DLG2: variants seen among roughly 807,000 people sequenced by gnomAD.
The protein encoded by DLG2 is disks large homolog 2.
In DLG2, 45 loss-of-function variants were observed where a neutral mutation model predicts 132.5. The observed-to-expected ratio is 0.34, with a 90% CI of 0.27 to 0.44. The LOEUF is 0.44. DLG2 is among the 20% of genes least tolerant of loss of function. DLG2 has a pLI of 1.00. For missense variants in DLG2, 1,045 were observed against 1,196.9 expected, an observed-to-expected ratio of 0.87 and a Z score of 1.87; for synonymous variants, 424 against 419.6, an observed-to-expected ratio of 1.01 and a Z score of -0.13.
rs1359746128 is a variant in DLG2, at chr11:85,199,299, T to A, written c.187-44648A>T. On this transcript the variant is annotated intron_variant, in intron 4 of 27. Transcript: ENST00000376104. ...TTGAGCAAGATAAGACTGACACCAA[T>A]GCACACATATTTTATGTTTCTATTT... 2.6e-5 allele frequency among the ~76,000 whole-genome samples: 4 copies of A among 152,150 alleles called. No homozygotes were observed. In the South Asian group the frequency reaches 8.3e-4, roughly 31 times the overall value.
chr11:84,512,700 A>C (rs983461506), intron 7 of DLG2, among the ~76,000 whole-genome samples: 1 of 152,142 alleles, frequency 6.6e-6, no homozygotes, highest in Admixed American at 6.6e-5. Flanking sequence ...TTATAGGCCA[A>C]GAGAAAATCA....
chr11:83,893,710 G>A (rs1289364611), intron 15 of DLG2, among the ~76,000 whole-genome samples: 1 of 152,090 alleles, frequency 6.6e-6, no homozygotes, highest in Non-Finnish European at 1.5e-5. Context: ...TCCATGAGTT[G>A]GAATCAGGTA....
Position 84,192,709 on chromosome 11 carries a change from G to A in DLG2, c.574-29198C>T, listed in dbSNP as rs192300397. Among the ~76,000 whole-genome samples, 574 of 152,160 alleles carry A rather than the reference G, an allele frequency of 3.8e-3. 4 individuals are homozygous for A. The highest frequency in any genetic ancestry group is 0.014 in the Admixed American group (219 of 15,294). On this transcript the variant is annotated intron_variant, in intron 8 of 27. Transcript: ENST00000376104. ...CGCACCACTGCACTCCAGCCTGGGCGACAGGGCGAGACTCCATCTCAAAAA... is the reference window on the plus strand; with the variant it reads ...CGCACCACTGCACTCCAGCCTGGGCAACAGGGCGAGACTCCATCTCAAAAA...
rs367956588 is a variant in DLG2 at position 85,431,045 on chromosome 11, T to C, written c.41-145680A>G. 2.8e-4 allele frequency among the ~76,000 whole-genome samples: 43 copies of C among 152,258 alleles called. 1 individual carries two copies. The East Asian group carries it at 8.3e-3, about 29-fold the overall frequency. On this transcript the variant is annotated intron_variant, in intron 3 of 27. Coordinates refer to ENST00000376104, the MANE Select transcript of DLG2 (RefSeq NM_001142699.3). ...AATAATTGGCTTAATTTTTTAGTTT[T>C]TTTTATTTCTATACATCAAACATGT... is the stretch of plus-strand genomic sequence containing the variant.
At chr11:83,567,101 G>A (rs2096721946) in intron 19 of DLG2, among the ~76,000 whole-genome samples, 1 of 152,102 alleles carries the variant, frequency 6.6e-6, no homozygotes, top group South Asian at 2.1e-4. Context: ...GACATAAACA[G>A]GAAGGAGCCA....
intron 3 of DLG2, among the ~76,000 whole-genome samples, chr11:85,569,349 A>C (rs1352308341): frequency 6.6e-6 from 1 of 152,116 alleles, no homozygotes; most frequent in Non-Finnish European, 1.5e-5. Context: ...TCTTAATGTA[A>C]GTATTTATAG....
At position 85,346,980 on chromosome 11, in the gene DLG2, G is replaced by A. The variant is rs1413114550; in HGVS notation, c.41-61615C>T. 1.3e-5 allele frequency among the ~76,000 whole-genome samples: 2 copies of A among 152,060 alleles called. 1 individual carries two copies. The highest frequency in any genetic ancestry group is 4.8e-5 in the African/African-American group (2 of 41,364). On this transcript the variant is annotated intron_variant, in intron 3 of 27. Coordinates refer to ENST00000376104, the MANE Select transcript of DLG2 (RefSeq NM_001142699.3). ...TCAGGATAAAGACTTCACAGAAGTA[G>A]AGAAAGGAATCATAGGTGGGACATA...
At chr11:84,712,404 C>T (rs542909418) in intron 6 of DLG2, among the ~76,000 whole-genome samples, 6 of 152,016 alleles carry the variant, frequency 3.9e-5, no homozygotes, top group Non-Finnish European at 8.8e-5. Context: ...GGACATTCAG[C>T]ACCTGTTTAA....
intron 10 of DLG2, among the ~76,000 whole-genome samples, chr11:84,072,970 A>C (rs1162945720): frequency 6.6e-6 from 1 of 152,234 alleles, no homozygotes; most frequent in Non-Finnish European, 1.5e-5. Context: ...GTGGGTAGTG[A>C]GGAAAGGAAG....
chr11:84,457,685 G>A (rs1341607663), intron 7 of DLG2, among the ~76,000 whole-genome samples: 1 of 150,854 alleles, frequency 6.6e-6, no homozygotes, highest in African/African-American at 2.4e-5. Context: ...AGCTGTTTCT[G>A]AGAGCAATTT....
chr11:84,629,391 A>G (rs1057234684), intron 6 of DLG2, among the ~76,000 whole-genome samples: 1 of 152,198 alleles, frequency 6.6e-6, no homozygotes, highest in Non-Finnish European at 1.5e-5. Context: ...AACCTGCTTT[A>G]GAGAGTAGCT....
At chr11:84,075,087 G>C (rs1224342816) in intron 10 of DLG2, among the ~76,000 whole-genome samples, 3 of 152,004 alleles carry the variant, frequency 2.0e-5, no homozygotes, top group Non-Finnish European at 4.4e-5. Flanking sequence ...CCCCAGCTTT[G>C]AAAGTCTTTT....
intron 6 of DLG2, among the ~76,000 whole-genome samples, chr11:84,799,915 TTAA>T (rs1267826116): frequency 1.3e-5 from 2 of 152,212 alleles, no homozygotes; most frequent in Non-Finnish European, 2.9e-5. Context: ...TAGCTGAATA[TTAA>T]TAATAATACT....
At chr11:84,272,189 T>C in intron 7 of DLG2, 6 of 329,100 alleles carry the variant, frequency 1.8e-5, no homozygotes, top group Non-Finnish European at 3.1e-5. Flanking sequence ...GCTTCAAATA[T>C]AGCCCAGAGT....
At chr11:85,272,096 A>G (rs1366350694) in intron 4 of DLG2, among the ~76,000 whole-genome samples, 1 of 152,036 alleles carries the variant, frequency 6.6e-6, no homozygotes, top group East Asian at 1.9e-4. Context: ...ACCTGGTGAG[A>G]GGTAATTGAA....
chr11:83,754,836 C>A (rs989827150), intron 18 of DLG2, among the ~76,000 whole-genome samples: 2 of 151,354 alleles, frequency 1.3e-5, no homozygotes, highest in African/African-American at 2.5e-5. Flanking sequence ...AGATATGGCC[C>A]AGGATGAAAA....
intron 6 of DLG2, among the ~76,000 whole-genome samples, chr11:85,046,179 C>T (rs188024224): frequency 2.6e-5 from 4 of 152,014 alleles, no homozygotes; most frequent in Non-Finnish European, 5.9e-5. Context: ...CAACCTAATT[C>T]CCTCTATGAT....
intron 11 of DLG2, among the ~76,000 whole-genome samples, chr11:84,054,846 T>C (rs763691410): frequency 1.3e-5 from 2 of 152,086 alleles, no homozygotes; most frequent in South Asian, 4.1e-4. Flanking sequence ...TCCTCTATTC[T>C]GTGCAAAAAC....
At chr11:85,226,151 AT>A (rs2074960959) in intron 4 of DLG2, among the ~76,000 whole-genome samples, 1 of 149,550 alleles carries the variant, frequency 6.7e-6, no homozygotes, top group South Asian at 2.1e-4. Flanking sequence ...ATGTGTTATA[AT>A]TTTTATAATA....
Sources: gnomAD v4.1 joint callset for allele counts (sites outside exome capture counted in the v4.1 genomes callset) on GRCh38, gnomAD v4.1.1 for gene constraint, MANE v1.5 for transcripts, NCBI Gene and HGNC (gene_info 2026-07-23, HGNC 2026-07-21) for gene names.